SOX6: variants seen among roughly 807,000 people sequenced by gnomAD.
The protein encoded by SOX6 is transcription factor SOX-6.
In SOX6, 11 loss-of-function variants were observed where a neutral mutation model predicts 97.8. The ratio of observed to expected loss-of-function variants is 0.11; its 90% CI spans 0.07 to 0.19. The LOEUF (loss-of-function observed/expected upper bound fraction) is 0.19, where lower values mean the gene tolerates loss of function less well. Among genes scored for constraint, SOX6 ranks in the 10% least tolerant of loss-of-function variants. The pLI, the probability that SOX6 is intolerant of heterozygous loss-of-function variation, is 1.00. For synonymous variants in SOX6, 360 were observed against 371.4 expected, an observed-to-expected ratio of 0.97 and a Z score of 0.35; for missense variants, 810 against 1,039.5, an observed-to-expected ratio of 0.78 and a Z score of 3.04.
chr11:16,686,126 G>C (rs1238938664), intron 3 of SOX6, among the ~76,000 whole-genome samples: 1 of 152,240 alleles, frequency 6.6e-6, no homozygotes, highest in East Asian at 1.9e-4. Context: ...GTCTGTGATG[G>C]AAGGGGTTGC....
At chr11:16,009,681 G>A (rs1854653519) in intron 13 of SOX6, among the ~76,000 whole-genome samples, 1 of 151,992 alleles carries the variant, frequency 6.6e-6, no homozygotes, top group Non-Finnish European at 1.5e-5. Context: ...GTGATTTCTT[G>A]GACTGAATTA....
At chr11:16,221,698 A>C (rs1852543074) in intron 4 of SOX6, among the ~76,000 whole-genome samples, 1 of 152,186 alleles carries the variant, frequency 6.6e-6, no homozygotes, top group Non-Finnish European at 1.5e-5. Context: ...GAAAACTTCT[A>C]TCTGCCATCA....
At chr11:16,124,978 C>T (rs1469533451) in intron 6 of SOX6, among the ~76,000 whole-genome samples, 1 of 151,940 alleles carries the variant, frequency 6.6e-6, no homozygotes, top group Non-Finnish European at 1.5e-5. Flanking sequence ...CTTATATATC[C>T]TCTCCGCTCA....
At chr11:16,262,596 G>T (rs893475765) in intron 3 of SOX6, among the ~76,000 whole-genome samples, 1 of 152,078 alleles carries the variant, frequency 6.6e-6, no homozygotes, top group Non-Finnish European at 1.5e-5. Flanking sequence ...TGTCACAAGG[G>T]TGATAGTATC....
At chr11:16,161,870 A>C (rs1850759280) in intron 6 of SOX6, among the ~76,000 whole-genome samples, 1 of 152,168 alleles carries the variant, frequency 6.6e-6, no homozygotes, top group Non-Finnish European at 1.5e-5. Context: ...CAGGAGGCTA[A>C]AGTTAAGGAT....
Position 16,278,227 on chromosome 11 carries a change from C to CA in SOX6, c.445+40218dup, listed in dbSNP as rs565914138. 6.6e-3 allele frequency among the ~76,000 whole-genome samples: 992 copies of CA among 151,182 alleles called. 6 individuals carry two copies. The highest frequency in any genetic ancestry group is 0.012 in the South Asian group (58 of 4,800). ...AATAACGTTTTTTTAATTTTTAAAC[C>CA]AAAAAAAATGCAGTTTATTCTGGGT... On this transcript the variant is annotated intron_variant, in intron 3 of 15. Transcript: ENST00000683767.
intron 1 of SOX6, among the ~76,000 whole-genome samples, chr11:16,364,092 A>G (rs193287907): frequency 6.6e-6 from 1 of 152,276 alleles, no homozygotes; most frequent in East Asian, 1.9e-4. Context: ...CCAACAAATT[A>G]ACTATAAAGA....
chr11:15,981,050 T>C (rs968703965), intron 15 of SOX6, among the ~76,000 whole-genome samples: 15 of 152,050 alleles, frequency 9.9e-5, no homozygotes, highest in Non-Finnish European at 2.1e-4. Context: ...ACCAATTAAC[T>C]AACAAATCAA....
intron 4 of SOX6, among the ~76,000 whole-genome samples, chr11:16,543,013 T>A (rs1214002789): frequency 2.0e-5 from 3 of 150,716 alleles, no homozygotes; most frequent in Non-Finnish European, 3.0e-5. Flanking sequence ...TACATACACT[T>A]ACACACACAC....
chr11:16,170,376 AC>A (rs1564996384), intron 6 of SOX6, among the ~76,000 whole-genome samples: 2 of 151,836 alleles, frequency 1.3e-5, no homozygotes, highest in African/African-American at 2.4e-5. Context: ...AAAAAAAAAA[AC>A]CTTTCTATCA....
At chr11:16,496,035 G>A (rs562530070) in intron 4 of SOX6, among the ~76,000 whole-genome samples, 2 of 152,172 alleles carry the variant, frequency 1.3e-5, no homozygotes, top group African/African-American at 4.8e-5. Context: ...CAGGATCAAA[G>A]CCAAAGTGCT....
chr11:16,161,710 T>C (rs1279919729), intron 6 of SOX6, among the ~76,000 whole-genome samples: 3 of 152,204 alleles, frequency 2.0e-5, no homozygotes, highest in Non-Finnish European at 2.9e-5. Context: ...TTTCTCATTT[T>C]TCTTTTTTCT....
intron 3 of SOX6, among the ~76,000 whole-genome samples, chr11:16,704,985 T>A (rs1445842303): frequency 6.6e-6 from 1 of 152,112 alleles, no homozygotes; most frequent in East Asian, 1.9e-4. Context: ...AGGCCAGGTG[T>A]GGTGGCTCAT....
chr11:15,998,722 T>C (rs1022210911), intron 13 of SOX6, among the ~76,000 whole-genome samples: 9 of 152,116 alleles, frequency 5.9e-5, no homozygotes, highest in Admixed American at 1.3e-4. Flanking sequence ...AACAAGTTGA[T>C]AGACACATTG....
At chr11:16,572,946 C>T (rs1415048311) in intron 4 of SOX6, among the ~76,000 whole-genome samples, 2 of 152,152 alleles carry the variant, frequency 1.3e-5, no homozygotes, top group East Asian at 3.8e-4. Flanking sequence ...TTTCTTTAAA[C>T]CACTCTTATT....
At chr11:16,351,836 T>C (rs1360165180) in intron 1 of SOX6, among the ~76,000 whole-genome samples, 2 of 152,080 alleles carry the variant, frequency 1.3e-5, no homozygotes, top group Non-Finnish European at 2.9e-5. Context: ...TCACATAATC[T>C]TTTAAAAATG....
chr11:16,081,290 G>A (rs925330501), intron 9 of SOX6, among the ~76,000 whole-genome samples: 1 of 151,892 alleles, frequency 6.6e-6, no homozygotes, highest in Non-Finnish European at 1.5e-5. Context: ...GGTGTTGAGA[G>A]TCTTAAGATT....
At chr11:16,692,056 CGTGTGTGTGT>C (rs755479047) in intron 3 of SOX6, among the ~76,000 whole-genome samples, 18 of 144,290 alleles carry the variant, frequency 1.2e-4, no homozygotes, top group Non-Finnish European at 2.3e-4. Context: ...TTTGCGTGTG[CGTGTGTGTGT>C]GTGTGTGTGT....
chr11:16,445,851 C>A (rs1393700288), intron 1 of SOX6, among the ~76,000 whole-genome samples: 1 of 152,028 alleles, frequency 6.6e-6, no homozygotes, highest in Non-Finnish European at 1.5e-5. Flanking sequence ...GGCAGAAGTA[C>A]CTGGATTAAT....
Sources: gnomAD v4.1 joint callset for allele counts (sites outside exome capture counted in the v4.1 genomes callset) on GRCh38, gnomAD v4.1.1 for gene constraint, MANE v1.5 for transcripts, NCBI Gene and HGNC (gene_info 2026-07-23, HGNC 2026-07-21) for gene names.